TLK1: variants seen among roughly 807,000 people sequenced by gnomAD.
The protein encoded by TLK1 is serine/threonine-protein kinase tousled-like 1.
Under a neutral mutation model 105.3 loss-of-function variants are expected in TLK1, and 24 were observed. The ratio of observed to expected loss-of-function variants is 0.23; its 90% CI spans 0.17 to 0.32. The LOEUF is 0.32. Among genes scored for constraint, TLK1 ranks in the 10% least tolerant of loss-of-function variants. The probability of loss-of-function intolerance (pLI) is 1.00; values close to 1 mark genes in which losing one functional copy is unlikely to be tolerated. For missense variants in TLK1, 558 were observed against 910.5 expected, an observed-to-expected ratio of 0.61 and a Z score of 4.98; for synonymous variants, 321 against 310.4, an observed-to-expected ratio of 1.03 and a Z score of -0.36.
chr2:171,022,086 A>AACACACACACACACACACACACACAC (rs557803785), intron 12 of TLK1, among the ~76,000 whole-genome samples: 2 of 103,010 alleles, frequency 1.9e-5, no homozygotes, highest in Admixed American at 1.0e-4. Flanking sequence ...CTGGGCGAAA[A>AACACACACACACACACACACACACAC]ACACACACAC....
chr2:171,152,290 A>G (rs1023008167), intron 1 of TLK1, among the ~76,000 whole-genome samples: 2 of 152,192 alleles, frequency 1.3e-5, no homozygotes, highest in Non-Finnish European at 2.9e-5. Flanking sequence ...GAATATAATC[A>G]CTTTTATTTA....
At chr2:171,151,812 G>C (rs1692052175) in intron 1 of TLK1, among the ~76,000 whole-genome samples, 1 of 151,582 alleles carries the variant, frequency 6.6e-6, no homozygotes. Context: ...GTATCTTTAA[G>C]TAAATGAAAT....
chr2:171,003,304 A>AAAAAAAAAAAAAAAAAAAAAC, intron 18 of TLK1, among the ~76,000 whole-genome samples: 1 of 146,912 alleles, frequency 6.8e-6, no homozygotes, highest in Non-Finnish European at 1.5e-5. Flanking sequence ...AAAAAAAAAA[A>AAAAAAAAAAAAAAAAAAAAAC]AGTACAAGGT....
At chr2:170,998,046 T>C (rs1399364069) in intron 18 of TLK1, among the ~76,000 whole-genome samples, 3 of 147,536 alleles carry the variant, frequency 2.0e-5, no homozygotes, top group South Asian at 2.2e-4. Context: ...CTATCTATCT[T>C]TATCTATCTA....
chr2:171,214,424 A>G (rs1693676961), intron 1 of TLK1, among the ~76,000 whole-genome samples: 1 of 152,202 alleles, frequency 6.6e-6, no homozygotes, highest in Admixed American at 6.5e-5. Context: ...TCTGTGCCCC[A>G]GTCCCCAGGC....
At chr2:171,209,485 T>C (rs538318381) in intron 1 of TLK1, among the ~76,000 whole-genome samples, 1 of 152,228 alleles carries the variant, frequency 6.6e-6, no homozygotes, top group African/African-American at 2.4e-5. Flanking sequence ...AAGCAGGTTA[T>C]AAGAAAGTAA....
Position 171,195,420 on chromosome 2 carries a change from G to A in TLK1, c.-6+35725C>T, listed in dbSNP as rs181461564. Among the ~76,000 whole-genome samples the A allele has an allele frequency of 6.6e-3, 988 of 149,536 alleles. 8 individuals are homozygous for A. Among genetic ancestry groups the A allele is most frequent in the Middle Eastern group, 0.014 (4 of 290 alleles). ...CCGGAGGCTGAGGCAGGAGAATGGC[G>A]TGAACCTGGGAGGCGGAGCTTGCAG... On this transcript the variant is annotated intron_variant, in intron 1 of 20. Coordinates refer to the TLK1 transcript ENST00000521943.
intron 1 of TLK1, among the ~76,000 whole-genome samples, chr2:171,178,300 C>T (rs1692870001): frequency 6.6e-6 from 1 of 152,120 alleles, no homozygotes; most frequent in Non-Finnish European, 1.5e-5. Context: ...GGATTGGAAC[C>T]CAGGTCTGCT....
chr2:171,031,166 A>G (rs991540943), intron 11 of TLK1, among the ~76,000 whole-genome samples: 11 of 152,208 alleles, frequency 7.2e-5, no homozygotes, highest in African/African-American at 1.9e-4. Context: ...AAATGACAAA[A>G]GAGCCATTTC....
intron 11 of TLK1, among the ~76,000 whole-genome samples, chr2:171,035,008 G>T (rs112572319): frequency 0.042 from 6,321 of 152,054 alleles, 390 homozygotes; most frequent in African/African-American, 0.13. Context: ...CTGTTCTCAT[G>T]ATAGTGAGTG....
chr2:171,019,867 G>T (rs983097215), intron 12 of TLK1, among the ~76,000 whole-genome samples: 2 of 152,004 alleles, frequency 1.3e-5, no homozygotes, highest in Admixed American at 6.5e-5. Flanking sequence ...AGACCAGCCT[G>T]GCCAACATGG....
chr2:171,215,324 A>AT (rs5836324), intron 1 of TLK1, among the ~76,000 whole-genome samples: 5 of 151,962 alleles, frequency 3.3e-5, no homozygotes, highest in Non-Finnish European at 5.9e-5. Flanking sequence ...TTCATAGGAA[A>AT]GAGGATGGCT....
chr2:171,175,927 T>G (rs1320787445), intron 1 of TLK1, among the ~76,000 whole-genome samples: 1 of 151,888 alleles, frequency 6.6e-6, no homozygotes, highest in Admixed American at 6.6e-5. Flanking sequence ...AGGTTTTTTT[T>G]TTGTTTTTGT....
intron 1 of TLK1, among the ~76,000 whole-genome samples, chr2:171,213,171 T>C (rs539088977): frequency 6.6e-6 from 1 of 152,126 alleles, no homozygotes; most frequent in South Asian, 2.1e-4. Flanking sequence ...TACAGGGCTC[T>C]ATATCAGGCC....
intron 7 of TLK1, 99 bp from the exon 8 acceptor site, chr2:171,053,952 T>A: frequency 1.1e-6 from 1 of 891,238 alleles, no homozygotes; most frequent in Non-Finnish European, 1.6e-6. Context: ...TAAAGAAAAA[T>A]ATATTTGTGT....
intron 1 of TLK1, among the ~76,000 whole-genome samples, chr2:171,180,508 T>C (rs1438110828): frequency 2.0e-5 from 3 of 152,214 alleles, no homozygotes; most frequent in Non-Finnish European, 2.9e-5. Flanking sequence ...TCAAGTATTA[T>C]GGCCTTTTAC....
intron 11 of TLK1, among the ~76,000 whole-genome samples, chr2:171,037,461 G>A (rs1686417753): frequency 6.7e-6 from 1 of 148,278 alleles, no homozygotes; most frequent in South Asian, 2.1e-4. Context: ...AAAAAACAGA[G>A]GCATGATGAC....
intron 1 of TLK1, among the ~76,000 whole-genome samples, chr2:171,181,040 A>G (rs2105307777): frequency 6.6e-6 from 1 of 152,344 alleles, no homozygotes; most frequent in Non-Finnish European, 1.5e-5. Context: ...TTCTGTTTGT[A>G]TAATGAACAA....
chr2:171,018,750 C>T (rs1022327521), intron 12 of TLK1, among the ~76,000 whole-genome samples: 10 of 152,140 alleles, frequency 6.6e-5, no homozygotes, highest in African/African-American at 2.4e-4. Context: ...AATTCATACA[C>T]TAGCTGAGCA....
Sources: gnomAD v4.1 joint callset for allele counts (sites outside exome capture counted in the v4.1 genomes callset) on GRCh38, gnomAD v4.1.1 for gene constraint, MANE v1.5 for transcripts, NCBI Gene and HGNC (gene_info 2026-07-23, HGNC 2026-07-21) for gene names.